NPR3: variants seen among roughly 807,000 people sequenced by gnomAD.
NPR3 encodes the protein natriuretic peptide receptor 3.
A neutral mutation model predicts 54.5 loss-of-function variants in NPR3; 34 were observed. That is an observed-to-expected ratio of 0.62 (90% CI 0.47 to 0.83). The LOEUF is 0.83. Among genes scored for constraint, NPR3 ranks in the 40% least tolerant of loss-of-function variants. NPR3 has a pLI of 0.00. For missense variants in NPR3, 674 were observed against 720.8 expected (o/e 0.94, Z 0.74); for synonymous variants, 289 against 297.1 (o/e 0.97, Z 0.28).
At chr5:32,744,915 G>A (rs1264372388) in intron 3 of NPR3, among the ~76,000 whole-genome samples, 1 of 152,140 alleles carries the variant, frequency 6.6e-6, no homozygotes, top group Non-Finnish European at 1.5e-5. Flanking sequence ...GCCCACTCTT[G>A]CATTCCCCTA....
chr5:32,753,708 C>T (rs1740694068), intron 3 of NPR3, among the ~76,000 whole-genome samples: 1 of 146,882 alleles, frequency 6.8e-6, no homozygotes, highest in Admixed American at 7.0e-5. Context: ...GTAGCTTTAC[C>T]AGGACATTGC....
intron 1 of NPR3, among the ~76,000 whole-genome samples, chr5:32,698,118 G>A (rs985376378): frequency 2.6e-5 from 4 of 151,664 alleles, no homozygotes; most frequent in Admixed American, 6.6e-5. Context: ...TTTGATGTAG[G>A]TGCTTATAGC....
intron 2 of NPR3, among the ~76,000 whole-genome samples, chr5:32,735,601 C>T (rs963273273): frequency 1.3e-5 from 2 of 152,068 alleles, no homozygotes; most frequent in South Asian, 2.1e-4. Context: ...TGGATTACTG[C>T]GGCTGTGAAC....
intron 3 of NPR3, among the ~76,000 whole-genome samples, chr5:32,755,701 A>G (rs1740799665): frequency 6.6e-6 from 1 of 152,182 alleles, no homozygotes; most frequent in African/African-American, 2.4e-5. Flanking sequence ...GTTTGGAAAG[A>G]TCTGTGTCTT....
At chr5:32,774,925 G>A (rs1731793352) in intron 4 of NPR3, 82 bp downstream of exon 4, 1 of 1,116,508 alleles carries the variant, frequency 9.0e-7, no homozygotes. Context: ...AGTTGCAGCT[G>A]TGGGGCCTTT....
rs76803879 is a variant in NPR3 at position 32,749,042 on chromosome 5, G to A, written c.1059+10012G>A. Among the ~76,000 whole-genome samples the A allele has an allele frequency of 9.2e-5, 14 of 152,142 alleles. No individual in the cohort carries two copies. In the East Asian group the frequency reaches 2.7e-3, roughly 29 times the overall value. Reference sequence around the variant, plus strand: ...TGTTTTCTGTGCCCCCCTTTTAAAAGATAGCACCTTGACTTGTTTCCTGTA... The same window carrying A: ...TGTTTTCTGTGCCCCCCTTTTAAAAAATAGCACCTTGACTTGTTTCCTGTA... On this transcript the variant is annotated intron_variant, in intron 3 of 7. Coordinates refer to ENST00000265074, the MANE Select transcript of NPR3 (RefSeq NM_001204375.2).
chr5:32,713,232 C>T (rs1480048316), intron 1 of NPR3: 5 of 985,320 alleles, frequency 5.1e-6, no homozygotes, highest in Non-Finnish European at 6.0e-6. Context: ...TCTAATGCGC[C>T]CAGAGCTAAG....
intron 1 of NPR3, among the ~76,000 whole-genome samples, chr5:32,691,610 C>G (rs1165354351): frequency 6.6e-6 from 1 of 152,238 alleles, no homozygotes; most frequent in Non-Finnish European, 1.5e-5. Flanking sequence ...AAGGAATCCT[C>G]CTTGTAGAGC....
intron 3 of NPR3, among the ~76,000 whole-genome samples, chr5:32,757,117 G>T (rs2112000379): frequency 6.6e-6 from 1 of 152,314 alleles, no homozygotes; most frequent in South Asian, 2.1e-4. Context: ...GAACTTTAAA[G>T]TAGTTTTTTC....
chr5:32,749,403 A>T (rs1740462629), intron 3 of NPR3, among the ~76,000 whole-genome samples: 1 of 152,062 alleles, frequency 6.6e-6, no homozygotes, highest in Non-Finnish European at 1.5e-5. Flanking sequence ...TCTCTTTTAT[A>T]TTATAAACTT....
chr5:32,741,270 T>C (rs969894467), intron 3 of NPR3, among the ~76,000 whole-genome samples: 4 of 151,892 alleles, frequency 2.6e-5, no homozygotes, highest in Non-Finnish European at 5.9e-5. Flanking sequence ...ATACAAAAAT[T>C]AGCCAGGCAT....
intron 1 of NPR3, among the ~76,000 whole-genome samples, chr5:32,704,202 C>T (rs1737922599): frequency 6.6e-6 from 1 of 152,188 alleles, no homozygotes; most frequent in Non-Finnish European, 1.5e-5. Context: ...CAGATTCTCT[C>T]TCCACACCAC....
chr5:32,771,185 T>G (rs1286407135), intron 3 of NPR3, among the ~76,000 whole-genome samples: 1 of 152,194 alleles, frequency 6.6e-6, no homozygotes, highest in African/African-American at 2.4e-5. Context: ...AAAGCCGGTC[T>G]CTGGGGCTTT....
chr5:32,775,809 G>T (rs1187995179), intron 4 of NPR3, among the ~76,000 whole-genome samples: 1 of 152,126 alleles, frequency 6.6e-6, no homozygotes, highest in Non-Finnish European at 1.5e-5. Context: ...TGTTGGTCAA[G>T]CTGGTCTCAA....
At chr5:32,718,297 T>C (rs1738662630) in intron 1 of NPR3, among the ~76,000 whole-genome samples, 1 of 152,248 alleles carries the variant, frequency 6.6e-6, no homozygotes, top group Admixed American at 6.5e-5. Context: ...TTGTTCTTTA[T>C]GCTTAGGATT....
intron 3 of NPR3, among the ~76,000 whole-genome samples, chr5:32,754,940 A>G (rs1740757045): frequency 6.6e-6 from 1 of 152,222 alleles, no homozygotes; most frequent in Admixed American, 6.5e-5. Context: ...CGCCCACTGC[A>G]AGCTCCGCTT....
chr5:32,701,392 T>C (rs982802283), intron 1 of NPR3, among the ~76,000 whole-genome samples: 1 of 152,220 alleles, frequency 6.6e-6, no homozygotes, highest in East Asian at 1.9e-4. Context: ...ATTTATCTTA[T>C]AGGACTGTGA....
chr5:32,696,257 C>A (rs1041881045), intron 1 of NPR3, among the ~76,000 whole-genome samples: 1 of 152,140 alleles, frequency 6.6e-6, no homozygotes, highest in African/African-American at 2.4e-5. Context: ...AAAAGGGTGT[C>A]CTTTCCCTAA....
At chr5:32,758,054 A>T (rs1202541908) in intron 3 of NPR3, among the ~76,000 whole-genome samples, 1 of 126,572 alleles carries the variant, frequency 7.9e-6, no homozygotes, top group African/African-American at 3.9e-5. Context: ...ATATTGGTCT[A>T]AAATTCTCTT....
Sources: gnomAD v4.1 joint callset for allele counts (sites outside exome capture counted in the v4.1 genomes callset) on GRCh38, gnomAD v4.1.1 for gene constraint, MANE v1.5 for transcripts, NCBI Gene and HGNC (gene_info 2026-07-23, HGNC 2026-07-21) for gene names.